Variants in NRG1 observed in about 807,000 individuals in gnomAD.
NRG1 encodes neuregulin 1, also known as pro-neuregulin-1, membrane-bound isoform.
Under a neutral mutation model 63.8 loss-of-function variants are expected in NRG1, and 18 were observed. The observed-to-expected ratio is 0.28, with a 90% CI of 0.19 to 0.42. The LOEUF (loss-of-function observed/expected upper bound fraction) is 0.42. Ranked by LOEUF, NRG1 falls within the 10% of genes least tolerant of loss-of-function variation. The pLI, the probability that NRG1 is intolerant of heterozygous loss-of-function variation, is 1.00. For missense variants in NRG1, 762 were observed against 814.7 expected (o/e 0.94, Z 0.79); for synonymous variants, 302 against 301.3 (o/e 1.00, Z -0.02).
At chr8:32,350,895 C>T (rs1805520444) in intron 1 of NRG1, among the ~76,000 whole-genome samples, 1 of 152,134 alleles carries the variant, frequency 6.6e-6, no homozygotes, top group Non-Finnish European at 1.5e-5. Context: ...GGTGTCCACG[C>T]CCCACTCAGC....
intron 5 of NRG1, among the ~76,000 whole-genome samples, chr8:32,661,135 G>A (rs1248391020): frequency 6.6e-6 from 1 of 152,194 alleles, no homozygotes; most frequent in South Asian, 2.1e-4. Flanking sequence ...GAATAAAAAT[G>A]CTGCCCTCTC....
rs574638309 is a variant in NRG1 at position 32,052,761 on chromosome 8, C to A, written c.37+413330C>A. ...ATGGGTTAGCACAAAAAGACAAAAT[C>A]CTAAATCACAGTCACTTTGCCATAA... is the stretch of plus-strand genomic sequence containing the variant. On this transcript the variant is annotated intron_variant, in intron 1 of 10. Transcript: ENST00000519301. Among the ~76,000 whole-genome samples the A allele has an allele frequency of 2.0e-5, 3 of 152,220 alleles. No homozygotes were observed. In the South Asian group the frequency reaches 6.2e-4, roughly 32 times the overall value.
chr8:32,123,303 C>CT (rs1162969721), intron 1 of NRG1, among the ~76,000 whole-genome samples: 3 of 151,900 alleles, frequency 2.0e-5, no homozygotes, highest in Non-Finnish European at 4.4e-5. Context: ...GGGAGCAGGT[C>CT]TTTCCCCTGC....
At chr8:32,673,112 G>A (rs535557879) in intron 5 of NRG1, among the ~76,000 whole-genome samples, 1 of 152,142 alleles carries the variant, frequency 6.6e-6, no homozygotes, top group African/African-American at 2.4e-5. Flanking sequence ...AAATGGTTTG[G>A]TGTCACACCA....
chr8:32,068,036 A>G lies in NRG1; in HGVS notation c.37+428605A>G, dbSNP rs1825154440. 2.0e-5 allele frequency among the ~76,000 whole-genome samples: 3 copies of G among 152,304 alleles called. No individual in the cohort carries two copies. In the South Asian group the frequency reaches 6.2e-4, roughly 32 times the overall value. On this transcript the variant is annotated intron_variant, in intron 1 of 10. Coordinates refer to the NRG1 transcript ENST00000519301. Reference sequence around the variant, plus strand: ...GTTCCCAAACTTGAATTGTCATGAAACACTCCTTGGGTTTCCCTCCCGTGC... The same window carrying G: ...GTTCCCAAACTTGAATTGTCATGAAGCACTCCTTGGGTTTCCCTCCCGTGC...
chr8:31,685,974 G>T (rs1266742640), intron 1 of NRG1, among the ~76,000 whole-genome samples: 2 of 152,064 alleles, frequency 1.3e-5, no homozygotes, highest in East Asian at 3.8e-4. Context: ...ACAAGTTTTT[G>T]TGTGAACATA....
At chr8:31,673,039 G>A (rs1462686940) in intron 1 of NRG1, among the ~76,000 whole-genome samples, 2 of 150,812 alleles carry the variant, frequency 1.3e-5, no homozygotes, top group African/African-American at 2.4e-5. Context: ...TCTTGTCTCT[G>A]ATATATGAGG....
intron 1 of NRG1, among the ~76,000 whole-genome samples, chr8:32,015,656 T>G (rs1815404141): frequency 6.6e-6 from 1 of 152,128 alleles, no homozygotes. Context: ...AAATCAAATC[T>G]TATAAACATA....
At chr8:32,680,511 T>A (rs944285737) in intron 5 of NRG1, among the ~76,000 whole-genome samples, 1 of 152,186 alleles carries the variant, frequency 6.6e-6, no homozygotes, top group Admixed American at 6.5e-5. Flanking sequence ...GAACCTGATT[T>A]CTGTGAACAT....
intron 6 of NRG1, chr8:32,728,413 G>A: frequency 1.0e-6 from 1 of 985,216 alleles, no homozygotes. Context: ...ATAACTTTTG[G>A]TATCTACTTC....
At chr8:31,916,529 T>A (rs1396175632) in intron 1 of NRG1, among the ~76,000 whole-genome samples, 1 of 152,244 alleles carries the variant, frequency 6.6e-6, no homozygotes, top group South Asian at 2.1e-4. Context: ...ATAAAGGACA[T>A]GAACTCATCC....
downstream of NRG1, among the ~76,000 whole-genome samples, chr8:32,772,539 T>G (rs999429123): frequency 8.5e-5 from 13 of 152,174 alleles, no homozygotes; most frequent in African/African-American, 3.1e-4. Context: ...ATTATAGATG[T>G]AAACTTTGCA....
intron 1 of NRG1, among the ~76,000 whole-genome samples, chr8:32,468,726 T>TG (rs1319347509): frequency 3.3e-5 from 1 of 30,260 alleles, no homozygotes; most frequent in Admixed American, 2.7e-4. Context: ...ATTACAGTTT[T>TG]TTTTTTTTTT....
Position 32,551,370 on chromosome 8 carries a change from A to G in NRG1, c.100+2544A>G, listed in dbSNP as rs538358516. On this transcript the variant is annotated intron_variant, in intron 1 of 11. Transcript: ENST00000356819. The stretch of plus-strand genomic sequence containing the variant: ...CAGCCACTGCAACTGTCTGTCCTTG[A>G]TGATATGTATGCAATAGCCAAGCCT... 9.2e-5 allele frequency among the ~76,000 whole-genome samples: 14 copies of G among 152,302 alleles called. No individual in the cohort carries two copies. In the South Asian group the frequency reaches 2.9e-3, roughly 32 times the overall value.
intron 1 of NRG1, among the ~76,000 whole-genome samples, chr8:32,401,193 C>T (rs1813146198): frequency 6.6e-6 from 1 of 152,024 alleles, no homozygotes; most frequent in Admixed American, 6.6e-5. Context: ...CTATAGGGTA[C>T]TATGCTTATT....
chr8:32,009,291 T>G (rs993986181), intron 1 of NRG1, among the ~76,000 whole-genome samples: 1 of 152,036 alleles, frequency 6.6e-6, no homozygotes, highest in African/African-American at 2.4e-5. Context: ...TTCTAGTGAA[T>G]AAAACATAGT....
At chr8:32,033,915 T>G (rs533722193) in intron 1 of NRG1, among the ~76,000 whole-genome samples, 30 of 152,208 alleles carry the variant, frequency 2.0e-4, no homozygotes, top group African/African-American at 7.0e-4. Context: ...TTGACTTCCT[T>G]TCTTCCTATT....
intron 1 of NRG1, among the ~76,000 whole-genome samples, chr8:32,034,566 C>T (rs1389479584): frequency 6.6e-6 from 1 of 151,988 alleles, no homozygotes; most frequent in African/African-American, 2.4e-5. Flanking sequence ...CAGCTGTAGA[C>T]CAGTCTATTC....
At chr8:32,772,041 GTATA>G (rs1157977487), downstream of NRG1, among the ~76,000 whole-genome samples, 159 of 10,468 alleles carry the variant, frequency 0.015, 1 homozygote, top group African/African-American at 0.035. Context: ...AAAAAAATAT[GTATA>G]TATATATATA....
Sources: gnomAD v4.1 joint callset for allele counts (sites outside exome capture counted in the v4.1 genomes callset) on GRCh38, gnomAD v4.1.1 for gene constraint, MANE v1.5 for transcripts, NCBI Gene and HGNC (gene_info 2026-07-23, HGNC 2026-07-21) for gene names.